The following ZFPM2 variants were observed in gnomAD, a reference collection of about 807,000 sequenced individuals.
ZFPM2 encodes the protein zinc finger protein ZFPM2.
Under a neutral mutation model 98.6 loss-of-function variants are expected in ZFPM2, and 20 were observed. That is an observed-to-expected ratio of 0.20 (90% CI 0.14 to 0.29). The LOEUF (loss-of-function observed/expected upper bound fraction) is 0.29. ZFPM2 is among the 10% of genes least tolerant of loss of function. The pLI, the probability that ZFPM2 is intolerant of heterozygous loss-of-function variation, is 1.00. For synonymous variants in ZFPM2, 518 were observed against 502.7 expected, an observed-to-expected ratio of 1.03 and a Z score of -0.41; for missense variants, 1,310 against 1,388.6, an observed-to-expected ratio of 0.94 and a Z score of 0.90.
At chr8:105,455,359 G>A (rs759631993) in intron 3 of ZFPM2, among the ~76,000 whole-genome samples, 1 of 152,042 alleles carries the variant, frequency 6.6e-6, no homozygotes, top group Non-Finnish European at 1.5e-5. Context: ...ACTGGGATTC[G>A]AATAACCTGG....
chr8:105,357,135 C>T lies in ZFPM2; in HGVS notation c.40+38154C>T, dbSNP rs1032192823. 3.3e-5 allele frequency among the ~76,000 whole-genome samples: 5 copies of T among 152,264 alleles called. No homozygotes were observed. The South Asian group carries it at 6.2e-4, about 19-fold the overall frequency. On this transcript the variant is annotated intron_variant, in intron 1 of 7. Transcript: ENST00000407775. The stretch of plus-strand genomic sequence containing the variant: ...GAGACCCCATCTCCCAGCACACACA[C>T]GTGAGTCCCTGCCTCTTGCCTTTGT...
intron 1 of ZFPM2, among the ~76,000 whole-genome samples, chr8:105,384,706 G>C (rs1586332988): frequency 6.6e-6 from 1 of 152,206 alleles, no homozygotes; most frequent in East Asian, 1.9e-4. Flanking sequence ...AATGCTAAGG[G>C]GGACTGATGA....
chr8:105,803,991 A>G lies in ZFPM2; in HGVS notation c.*453A>G, dbSNP rs578070466. ...ATATGCTAAAATATAACTTGCAAAGATGTTCTAAATACACATGCTATAAGT... is the reference window on the plus strand; with the variant it reads ...ATATGCTAAAATATAACTTGCAAAGGTGTTCTAAATACACATGCTATAAGT... On this transcript the variant is annotated 3_prime_UTR_variant, in exon 8 of 8. Coordinates refer to ENST00000407775, the MANE Select transcript of ZFPM2 (RefSeq NM_012082.4). 1 of 157,326 alleles carries G rather than the reference A, an allele frequency of 6.4e-6. No homozygotes were observed. The highest frequency in any genetic ancestry group is 6.1e-5 in the Admixed American group (1 of 16,280). The allele number at this position is 157,326 out of a possible 1,614,324, so 9.7% of individuals were successfully genotyped here. A position where few individuals can be genotyped will look rare whatever the true frequency, so the allele number is the denominator to read the frequency against.
At chr8:105,578,560 A>G (rs557761614) in intron 4 of ZFPM2, among the ~76,000 whole-genome samples, 2 of 152,114 alleles carry the variant, frequency 1.3e-5, no homozygotes, top group Non-Finnish European at 2.9e-5. Context: ...CTGAAAATCT[A>G]CATAATTCAT....
intron 2 of ZFPM2, among the ~76,000 whole-genome samples, chr8:105,429,101 C>G (rs556767698): frequency 6.6e-6 from 1 of 152,246 alleles, no homozygotes; most frequent in South Asian, 2.1e-4. Flanking sequence ...GGAAATCTAT[C>G]ATACAGATAT....
chr8:105,797,915 C>T (rs1813881027), intron 6 of ZFPM2, among the ~76,000 whole-genome samples: 1 of 152,176 alleles, frequency 6.6e-6, no homozygotes, highest in African/African-American at 2.4e-5. Flanking sequence ...TGTCCATCAA[C>T]CCAAGGAGAC....
At chr8:105,692,202 A>T (rs192970385) in intron 5 of ZFPM2, among the ~76,000 whole-genome samples, 1 of 152,328 alleles carries the variant, frequency 6.6e-6, no homozygotes, top group Admixed American at 6.5e-5. Flanking sequence ...TAATTTGTAT[A>T]CTGCTAGTGT....
At chr8:105,364,990 C>G (rs1427819980) in intron 1 of ZFPM2, among the ~76,000 whole-genome samples, 1 of 152,052 alleles carries the variant, frequency 6.6e-6, no homozygotes, top group Non-Finnish European at 1.5e-5. Flanking sequence ...CCCCATTAAA[C>G]TTTTCTGTCC....
chr8:105,485,457 G>A (rs993720018), intron 3 of ZFPM2, among the ~76,000 whole-genome samples: 2 of 152,102 alleles, frequency 1.3e-5, no homozygotes, highest in African/African-American at 4.8e-5. Flanking sequence ...GTTCAAGGCT[G>A]CAATGAGCTA....
chr8:105,640,529 T>C (rs1234721326), intron 5 of ZFPM2, among the ~76,000 whole-genome samples: 1 of 152,054 alleles, frequency 6.6e-6, no homozygotes, highest in African/African-American at 2.4e-5. Flanking sequence ...AATTTAACCA[T>C]TTTTGAATGT....
chr8:105,591,734 G>A (rs1181789996), intron 4 of ZFPM2, among the ~76,000 whole-genome samples: 2 of 151,994 alleles, frequency 1.3e-5, no homozygotes, highest in South Asian at 2.1e-4. Context: ...ATCATCATTT[G>A]TTAGCTTGCT....
intron 1 of ZFPM2, among the ~76,000 whole-genome samples, chr8:105,416,901 C>G (rs1355924295): frequency 6.6e-6 from 1 of 151,664 alleles, no homozygotes; most frequent in Non-Finnish European, 1.5e-5. Context: ...ATGAATTGAC[C>G]ATTTTCTAAG....
chr8:105,527,434 G>A (rs1348760897), intron 3 of ZFPM2, among the ~76,000 whole-genome samples: 1 of 152,206 alleles, frequency 6.6e-6, no homozygotes, highest in African/African-American at 2.4e-5. Flanking sequence ...TAACTATATG[G>A]ATTTAGAAAC....
At chr8:105,502,977 A>C (rs1813627355) in intron 3 of ZFPM2, among the ~76,000 whole-genome samples, 1 of 152,202 alleles carries the variant, frequency 6.6e-6, no homozygotes, top group South Asian at 2.1e-4. Context: ...GGACTGGTAT[A>C]GAGGCATGTA....
At chr8:105,458,259 G>A (rs1439149922) in intron 3 of ZFPM2, among the ~76,000 whole-genome samples, 1 of 152,088 alleles carries the variant, frequency 6.6e-6, no homozygotes, top group Non-Finnish European at 1.5e-5. Context: ...TCACATACAA[G>A]GAAGCAAAGA....
chr8:105,647,633 T>G (rs1175474404), intron 5 of ZFPM2, among the ~76,000 whole-genome samples: 2 of 151,800 alleles, frequency 1.3e-5, no homozygotes, highest in East Asian at 3.9e-4. Flanking sequence ...TGGTGTTCAG[T>G]TTTTTGTCTT....
intron 5 of ZFPM2, among the ~76,000 whole-genome samples, chr8:105,740,629 A>G (rs1812193366): frequency 1.3e-5 from 2 of 150,292 alleles, no homozygotes; most frequent in South Asian, 2.1e-4. Context: ...CTTACAGACC[A>G]TAAGAAATAC....
At chr8:105,361,870 C>T (rs1342665341) in intron 1 of ZFPM2, among the ~76,000 whole-genome samples, 1 of 151,300 alleles carries the variant, frequency 6.6e-6, no homozygotes, top group East Asian at 1.9e-4. Flanking sequence ...TATGCAAATA[C>T]TTACCATTGT....
chr8:105,449,225 C>CT (rs1169269325), intron 3 of ZFPM2, among the ~76,000 whole-genome samples: 1 of 151,942 alleles, frequency 6.6e-6, no homozygotes, highest in East Asian at 1.9e-4. Flanking sequence ...TACCATCAGG[C>CT]TTATAGCAGC....
Sources: gnomAD v4.1 joint callset for allele counts (sites outside exome capture counted in the v4.1 genomes callset) on GRCh38, gnomAD v4.1.1 for gene constraint, MANE v1.5 for transcripts, NCBI Gene and HGNC (gene_info 2026-07-23, HGNC 2026-07-21) for gene names.